DGKI: variants seen among roughly 807,000 people sequenced by gnomAD.
DGKI encodes the protein DAG kinase iota.
In DGKI, 55 loss-of-function variants were observed where a neutral mutation model predicts 147.5. The ratio of observed to expected loss-of-function variants is 0.37; its 90% CI spans 0.30 to 0.47. DGKI has a LOEUF of 0.47. Among genes scored for constraint, DGKI ranks in the 20% least tolerant of loss-of-function variants. The probability of loss-of-function intolerance (pLI) is 1.00; values close to 1 mark genes in which losing one functional copy is unlikely to be tolerated. For synonymous variants in DGKI, 469 were observed against 477.1 expected, an observed-to-expected ratio of 0.98 and a Z score of 0.22; for missense variants, 1,007 against 1,323.8, an observed-to-expected ratio of 0.76 and a Z score of 3.71.
chr7:137,792,074 T>G (rs1353856833), intron 1 of DGKI, among the ~76,000 whole-genome samples: 1 of 152,222 alleles, frequency 6.6e-6, no homozygotes, highest in African/African-American at 2.4e-5. Flanking sequence ...CTCTGAGGCA[T>G]GAGCCATAGG....
chr7:137,625,507 G>A (rs1162420421), intron 6 of DGKI, among the ~76,000 whole-genome samples: 3 of 151,956 alleles, frequency 2.0e-5, no homozygotes, highest in East Asian at 1.9e-4. Context: ...AAGAAAGGCT[G>A]CTTGCAAGGT....
intron 19 of DGKI, among the ~76,000 whole-genome samples, chr7:137,558,385 T>C (rs1333954761): frequency 6.6e-6 from 1 of 152,220 alleles, no homozygotes; most frequent in African/African-American, 2.4e-5. Context: ...GCAATTCTCC[T>C]GCCTCAGCCT....
chr7:137,674,473 T>C (rs1030031196), intron 3 of DGKI, among the ~76,000 whole-genome samples: 1 of 152,182 alleles, frequency 6.6e-6, no homozygotes, highest in Non-Finnish European at 1.5e-5. Context: ...AGTTCTGGTT[T>C]ATCCCTAATG....
rs762976917 is a variant in DGKI at position 137,846,646 on chromosome 7, C to CGCT, written c.214_216dup (p.Ser72dup). 2.8e-6 allele frequency: 3 copies of CGCT among 1,067,018 alleles called. No individual in the cohort carries two copies. The highest frequency in any genetic ancestry group is 3.4e-6 in the Non-Finnish European group (3 of 884,356). 66.1% of individuals were successfully genotyped at this position (1,067,018 alleles called of 1,614,324 possible). ...AGGCAGCAGCTCCCGGCGCCGCTTC[C>CGCT]GCTGCTGCTGCTGCCGCCCGTCGCC... On this transcript the variant is annotated inframe_insertion, in exon 1 of 33. Coordinates refer to ENST00000614521, the MANE Select transcript of DGKI (RefSeq NM_001321708.2). This position sits in a 1 kb window ranked among gnomAD's most constrained non-coding sequence, Gnocchi z 4.0.
At chr7:137,638,728 A>G (rs1360577227) in intron 6 of DGKI, among the ~76,000 whole-genome samples, 1 of 149,024 alleles carries the variant, frequency 6.7e-6, no homozygotes, top group Non-Finnish European at 1.5e-5. Context: ...ATATATACAC[A>G]TTACATATGT....
At chr7:137,542,524 A>G (rs1324966862) in intron 20 of DGKI, among the ~76,000 whole-genome samples, 1 of 152,204 alleles carries the variant, frequency 6.6e-6, no homozygotes, top group Non-Finnish European at 1.5e-5. Flanking sequence ...TGGACTACAC[A>G]TTGTATACTT....
At chr7:137,405,775 A>C (rs1811923558) in intron 30 of DGKI, among the ~76,000 whole-genome samples, 1 of 152,262 alleles carries the variant, frequency 6.6e-6, no homozygotes, top group African/African-American at 2.4e-5. Flanking sequence ...CTTGGGAAAA[A>C]AAGACGAGGT....
At chr7:137,692,111 A>G (rs540245541) in intron 1 of DGKI, among the ~76,000 whole-genome samples, 3 of 152,320 alleles carry the variant, frequency 2.0e-5, no homozygotes, top group African/African-American at 7.2e-5. Context: ...TAAGAAAGTA[A>G]CAGTGGAAGA....
intron 23 of DGKI, among the ~76,000 whole-genome samples, chr7:137,479,669 T>C (rs1014246394): frequency 1.1e-4 from 17 of 152,168 alleles, no homozygotes; most frequent in African/African-American, 3.1e-4. Flanking sequence ...TCTTTTTCTT[T>C]CATAAAATTG....
At chr7:137,843,487 T>C (rs1028245797) in intron 1 of DGKI, 17 of 944,058 alleles carry the variant, frequency 1.8e-5, no homozygotes, top group Non-Finnish European at 2.1e-5. Context: ...AAAATTCTCA[T>C]GGGAAAAATG....
intron 3 of DGKI, among the ~76,000 whole-genome samples, chr7:137,667,977 A>C (rs985453992): frequency 1.3e-5 from 2 of 152,244 alleles, no homozygotes; most frequent in Non-Finnish European, 2.9e-5. Context: ...CATGCCAAGT[A>C]GGTACGACTT....
chr7:137,583,928 T>C (rs1819295479), intron 14 of DGKI, among the ~76,000 whole-genome samples: 1 of 152,180 alleles, frequency 6.6e-6, no homozygotes, highest in Admixed American at 6.6e-5. Flanking sequence ...AATTTCAGGA[T>C]CATGGTTTAG....
At chr7:137,493,465 A>G (rs900512511) in intron 21 of DGKI, among the ~76,000 whole-genome samples, 2 of 152,302 alleles carry the variant, frequency 1.3e-5, no homozygotes, top group East Asian at 1.9e-4. Flanking sequence ...CATCAAGGCA[A>G]CAGGTTCCTA....
intron 1 of DGKI, among the ~76,000 whole-genome samples, chr7:137,734,385 T>C (rs957850819): frequency 6.6e-6 from 1 of 152,026 alleles, no homozygotes; most frequent in African/African-American, 2.4e-5. Flanking sequence ...ATAACATTTA[T>C]TATCTCACAG....
intron 20 of DGKI, among the ~76,000 whole-genome samples, chr7:137,534,035 G>A (rs1274418537): frequency 1.3e-5 from 2 of 152,076 alleles, no homozygotes; most frequent in African/African-American, 4.8e-5. Context: ...AGGGTGTTAT[G>A]AGAGACCAGC....
At chr7:137,806,584 CCAACACGCCCGGCTA>C (rs1320177146) in intron 1 of DGKI, among the ~76,000 whole-genome samples, 1 of 152,140 alleles carries the variant, frequency 6.6e-6, no homozygotes, top group Non-Finnish European at 1.5e-5. Context: ...CAGGCACCTG[CCAACACGCCCGGCTA>C]ATTTTTTGTA....
At chr7:137,635,596 G>A (rs181218710) in intron 6 of DGKI, among the ~76,000 whole-genome samples, 1 of 152,272 alleles carries the variant, frequency 6.6e-6, no homozygotes, top group African/African-American at 2.4e-5. Flanking sequence ...GCGGCCATGT[G>A]ACCATGAGAT....
At chr7:137,794,020 A>G in intron 1 of DGKI, among the ~76,000 whole-genome samples, 1 of 152,220 alleles carries the variant, frequency 6.6e-6, no homozygotes, top group East Asian at 1.9e-4. Flanking sequence ...GAGTTAAACT[A>G]ATCTTCCTAC....
rs773552667 is a variant in DGKI, at chr7:137,572,757, G to A, written c.1835+8C>T. 5 of 1,586,332 alleles carry A rather than the reference G, an allele frequency of 3.2e-6. No homozygotes were observed. On this transcript the variant is annotated splice_region_variant and intron_variant, in intron 18 of 32. Transcript: ENST00000614521. ...TCAAACCAAGGAAACAATACAAACA[G>A]AGCCTACCTGGGTATATTTAAAAAT...
Sources: allele counts gnomAD v4.1 joint callset (sites outside exome capture counted in the v4.1 genomes callset), GRCh38; gene constraint gnomAD v4.1.1; non-coding constraint Gnocchi (gnomAD v3.1); transcripts MANE v1.5; gene names NCBI Gene and HGNC (gene_info 2026-07-23, HGNC 2026-07-21).